SEM1: variants seen among roughly 807,000 people sequenced by gnomAD.
SEM1 encodes the protein 26S proteasome complex subunit SEM1.
In SEM1, 3 loss-of-function variants were observed where a neutral mutation model predicts 12.7. That is an observed-to-expected ratio of 0.24 (90% CI 0.11 to 0.61). The LOEUF is 0.61. Among genes scored for constraint, SEM1 ranks in the 20% least tolerant of loss-of-function variants. The pLI is 0.88. For missense variants in SEM1, 59 were observed against 81.3 expected (o/e 0.73, Z 1.06); for synonymous variants, 30 against 27.8 (o/e 1.08, Z -0.25).
chr7:96,629,209 T>C (rs539213664), intron 2 of SEM1, among the ~76,000 whole-genome samples: 1 of 152,250 alleles, frequency 6.6e-6, no homozygotes, highest in East Asian at 1.9e-4. Context: ...TCCCTGTTAT[T>C]ATCCCTTTGA....
chr7:96,489,065 G>A (rs1584697323), intron 1 of SEM1, among the ~76,000 whole-genome samples: 1 of 152,082 alleles, frequency 6.6e-6, no homozygotes, highest in African/African-American at 2.4e-5. Context: ...AAAACAGTAT[G>A]TCTTCAAAAA....
At chr7:96,672,355 A>C (rs114155947), downstream of SEM1, among the ~76,000 whole-genome samples, 523 of 152,268 alleles carry the variant, frequency 3.4e-3, 5 homozygotes, top group African/African-American at 0.012. Flanking sequence ...ATGCAGGCCC[A>C]CCTAAGTATT....
chr7:96,637,190 G>A (rs1056947620), intron 2 of SEM1: 4 of 151,940 alleles, frequency 2.6e-5, no homozygotes, highest in African/African-American at 7.3e-5. Context: ...AGTTGCCAGG[G>A]TATACTTAGA....
At chr7:96,571,944 T>G (rs1806045003) in intron 2 of SEM1, among the ~76,000 whole-genome samples, 1 of 152,142 alleles carries the variant, frequency 6.6e-6, no homozygotes, top group African/African-American at 2.4e-5. Flanking sequence ...GGCTATTAAT[T>G]ACTGCCTCAA....
At chr7:96,525,317 T>C (rs1246493551) in intron 2 of SEM1, among the ~76,000 whole-genome samples, 1 of 151,916 alleles carries the variant, frequency 6.6e-6, no homozygotes, top group Non-Finnish European at 1.5e-5. Flanking sequence ...CCTAAAGAAT[T>C]GGAAACTCTG....
At chr7:96,676,179 G>A (rs1481278124) in intron 2 of SEM1, among the ~76,000 whole-genome samples, 2 of 152,178 alleles carry the variant, frequency 1.3e-5, no homozygotes, top group African/African-American at 2.4e-5. Flanking sequence ...GGCTGGCAGT[G>A]GCCCTGCCCT....
At chr7:96,583,551 T>G (rs920968352) in intron 2 of SEM1, among the ~76,000 whole-genome samples, 2 of 149,918 alleles carry the variant, frequency 1.3e-5, no homozygotes, top group African/African-American at 4.9e-5. Context: ...CTTGTTGATC[T>G]GTCTAATGTT....
chr7:96,604,183 T>A (rs1807275428), intron 2 of SEM1, among the ~76,000 whole-genome samples: 1 of 152,154 alleles, frequency 6.6e-6, no homozygotes, highest in South Asian at 2.1e-4. Flanking sequence ...GCACTTTCCA[T>A]CACCAGCAGT....
chr7:96,484,784 A>G, intron 3 of SEM1: 1 of 1,218,320 alleles, frequency 8.2e-7, no homozygotes, highest in South Asian at 1.3e-5. Context: ...CCATACAGAA[A>G]AGTTACCCAT....
At chr7:96,700,554 T>A (rs897282735) in intron 1 of SEM1, among the ~76,000 whole-genome samples, 11 of 152,296 alleles carry the variant, frequency 7.2e-5, no homozygotes, top group Admixed American at 7.2e-4. Flanking sequence ...AAAATCTGTG[T>A]ATAAATGGAC....
At chr7:96,570,796 G>T (rs1425281055) in intron 2 of SEM1, among the ~76,000 whole-genome samples, 1 of 152,122 alleles carries the variant, frequency 6.6e-6, no homozygotes, top group Non-Finnish European at 1.5e-5. Context: ...CACAATGGTT[G>T]AACTAATTTA....
chr7:96,692,482 G>T (rs1334806201), intron 2 of SEM1, among the ~76,000 whole-genome samples: 1 of 152,114 alleles, frequency 6.6e-6, no homozygotes, highest in East Asian at 1.9e-4. Context: ...TGATGCCAAG[G>T]CGGAACAAAA....
At chr7:96,574,079 TC>T (rs1431991537) in intron 2 of SEM1, among the ~76,000 whole-genome samples, 1 of 152,114 alleles carries the variant, frequency 6.6e-6, no homozygotes, top group Non-Finnish European at 1.5e-5. Context: ...ATGATATCCC[TC>T]CCCGCTCCTC....
At position 96,709,816 on chromosome 7, in the gene SEM1, C is replaced by G. The variant is rs2116101901; in HGVS notation, c.-53G>C. The stretch of plus-strand genomic sequence containing the variant: ...AGATAAGCAGAAAAGTTGGAACCCT[C>G]ACTCTTCCTCAAGGAAACGCCACCG... On this transcript the variant is annotated 5_prime_UTR_variant, in exon 1 of 3. Transcript: ENST00000248566. 1.3e-6 allele frequency: 2 copies of G among 1,564,262 alleles called. No individual in the cohort carries two copies. The highest frequency in any genetic ancestry group is 1.8e-6 in the Non-Finnish European group (2 of 1,136,168).
downstream of SEM1, among the ~76,000 whole-genome samples, chr7:96,685,430 C>T (rs754119689): frequency 2.0e-5 from 3 of 151,154 alleles, no homozygotes; most frequent in Non-Finnish European, 4.4e-5. Context: ...AAATTTGCAG[C>T]AAACTTCATT....
At chr7:96,687,045 T>C (rs185877222), downstream of SEM1, among the ~76,000 whole-genome samples, 1 of 152,274 alleles carries the variant, frequency 6.6e-6, no homozygotes, top group East Asian at 1.9e-4. Context: ...ATGCTCATCA[T>C]CACTAGCCAT....
At chr7:96,582,822 C>T (rs1223385676) in intron 2 of SEM1, among the ~76,000 whole-genome samples, 1,952 of 152,114 alleles carry the variant, frequency 0.013, 20 homozygotes, top group African/African-American at 0.045. Flanking sequence ...GGTGATATCC[C>T]CTTTATCATT....
chr7:96,627,830 C>CA (rs1808121512), intron 2 of SEM1, among the ~76,000 whole-genome samples: 1 of 152,026 alleles, frequency 6.6e-6, no homozygotes, highest in South Asian at 2.1e-4. Flanking sequence ...TGTCGATTTT[C>CA]TGTCTGGAAG....
intron 3 of SEM1, among the ~76,000 whole-genome samples, chr7:96,505,396 G>C (rs1226530901): frequency 6.6e-6 from 1 of 152,078 alleles, no homozygotes; most frequent in Non-Finnish European, 1.5e-5. Context: ...GAGCCACTGT[G>C]CCTGGCCTTA....
Sources: allele counts gnomAD v4.1 joint callset (sites outside exome capture counted in the v4.1 genomes callset), GRCh38; gene constraint gnomAD v4.1.1; transcripts MANE v1.5; gene names NCBI Gene and HGNC (gene_info 2026-07-23, HGNC 2026-07-21).